The following STXBP6 variants were observed in gnomAD, a reference collection of about 807,000 sequenced individuals.
STXBP6 encodes syntaxin binding protein 6.
STXBP6 carries 21 observed loss-of-function variants against 26.9 expected under a neutral mutation model. That is an observed-to-expected ratio of 0.78 (90% CI 0.55 to 1.12). STXBP6 has a LOEUF of 1.12. Among genes scored for constraint, STXBP6 ranks in the 50% most tolerant of loss-of-function variants. The pLI, the probability that STXBP6 is intolerant of heterozygous loss-of-function variation, is 0.00. For missense variants in STXBP6, 232 were observed against 257.9 expected (o/e 0.90, Z 0.69); for synonymous variants, 97 against 92.6 (o/e 1.05, Z -0.27).
chr14:24,896,574 G>A (rs926833155), intron 2 of STXBP6, among the ~76,000 whole-genome samples: 1 of 152,082 alleles, frequency 6.6e-6, no homozygotes, highest in Non-Finnish European at 1.5e-5. Flanking sequence ...TTACTTTAAG[G>A]GCTCATAATT....
At chr14:24,867,933 A>G (rs763123295) in intron 2 of STXBP6, among the ~76,000 whole-genome samples, 60 of 152,326 alleles carry the variant, frequency 3.9e-4, no homozygotes, top group Non-Finnish European at 7.4e-4. Flanking sequence ...ATAGTTGTTC[A>G]TGTCTATAAT....
rs182734660 is a variant in STXBP6, at chr14:24,981,007, T to C, written c.-32-6157A>G. 1.5e-3 allele frequency among the ~76,000 whole-genome samples: 229 copies of C among 152,352 alleles called. 1 individual carries two copies. In the Middle Eastern group the frequency reaches 0.017, roughly 11 times the overall value. On this transcript the variant is annotated intron_variant, in intron 1 of 5. Coordinates refer to ENST00000323944, the MANE Select transcript of STXBP6 (RefSeq NM_001394410.1). ...ATGACTTCTTCAGTTTATTCTGCTA[T>C]ACAACCAGGTCCAGAGCCACTATCT...
rs1447834682 is a variant in STXBP6, at chr14:24,900,008, C to T, written c.155-42851G>A. Among the ~76,000 whole-genome samples the T allele has an allele frequency of 2.6e-5, 4 of 152,230 alleles. No individual in the cohort carries two copies. In the South Asian group the frequency reaches 8.3e-4, roughly 32 times the overall value. On this transcript the variant is annotated intron_variant, in intron 2 of 5. Coordinates refer to ENST00000323944, the MANE Select transcript of STXBP6 (RefSeq NM_001394410.1). ...AAGTTATGCAACTTGCTAAACACCA[C>T]ACAGCAAATTATCTAATAGGTGAAC... is the stretch of plus-strand genomic sequence containing the variant.
chr14:24,826,904 A>G (rs538147620), intron 4 of STXBP6, among the ~76,000 whole-genome samples: 2 of 152,334 alleles, frequency 1.3e-5, no homozygotes, highest in South Asian at 4.1e-4. Flanking sequence ...TCAATAAAAA[A>G]CAGTACCTAT....
At chr14:24,868,268 G>C (rs181975985) in intron 2 of STXBP6, among the ~76,000 whole-genome samples, 1 of 152,134 alleles carries the variant, frequency 6.6e-6, no homozygotes, top group East Asian at 1.9e-4. Flanking sequence ...CTCAACAAAA[G>C]AAAGCTAAAT....
chr14:24,836,657 G>A (rs2068627886), intron 4 of STXBP6, among the ~76,000 whole-genome samples: 1 of 139,580 alleles, frequency 7.2e-6, no homozygotes, highest in Non-Finnish European at 1.5e-5. Context: ...CCAGTCAAAA[G>A]GGTAGCTATT....
intron 5 of STXBP6, among the ~76,000 whole-genome samples, chr14:24,814,782 T>A (rs534262186): frequency 5.6e-4 from 85 of 152,104 alleles, no homozygotes; most frequent in Non-Finnish European, 1.1e-3. Context: ...CACTCATGAA[T>A]GAGATTAGTG....
At chr14:25,028,314 T>G (rs935982915) in intron 1 of STXBP6, among the ~76,000 whole-genome samples, 3 of 152,196 alleles carry the variant, frequency 2.0e-5, no homozygotes, top group Non-Finnish European at 4.4e-5. Flanking sequence ...TGTTAGAGGC[T>G]AATGCTGCTG....
chr14:24,923,816 C>T (rs1266642279), intron 2 of STXBP6, among the ~76,000 whole-genome samples: 1 of 152,126 alleles, frequency 6.6e-6, no homozygotes, highest in Non-Finnish European at 1.5e-5. Flanking sequence ...ATATTCTATT[C>T]CCTTTTCAGT....
At chr14:25,040,131 C>T (rs2075619645) in intron 1 of STXBP6, among the ~76,000 whole-genome samples, 1 of 152,184 alleles carries the variant, frequency 6.6e-6, no homozygotes, top group Admixed American at 6.5e-5. Context: ...CACAGCCTTG[C>T]AAAGGTCATA....
chr14:24,931,248 A>AG (rs376022576), intron 2 of STXBP6, among the ~76,000 whole-genome samples: 1 of 36,668 alleles, frequency 2.7e-5, no homozygotes, highest in Admixed American at 3.6e-4. Flanking sequence ...AGGTGGGGGG[A>AG]GGGGGGAGGG....
At chr14:24,848,711 CA>C (rs1437888474) in intron 4 of STXBP6, among the ~76,000 whole-genome samples, 1 of 152,128 alleles carries the variant, frequency 6.6e-6, no homozygotes, top group East Asian at 1.9e-4. Context: ...ATCTGTGACC[CA>C]TTTTTCCTTA....
intron 2 of STXBP6, among the ~76,000 whole-genome samples, chr14:24,973,379 CTTTTTTTTTTT>C (rs1057437135): frequency 1.3e-4 from 10 of 76,802 alleles, no homozygotes; most frequent in African/African-American, 6.2e-4. Flanking sequence ...AGCTTTCTTC[CTTTTTTTTTTT>C]TTTTTTTTTT....
chr14:24,969,137 T>C (rs949824195), intron 2 of STXBP6, among the ~76,000 whole-genome samples: 2 of 152,200 alleles, frequency 1.3e-5, no homozygotes, highest in African/African-American at 2.4e-5. Flanking sequence ...TCAAAAAGCA[T>C]TCAGAACTTT....
chr14:24,809,659 TCA>T lies in STXBP6; in HGVS notation c.*3048_*3049del, dbSNP rs898969215. 5 of 152,242 alleles carry T rather than the reference TCA, an allele frequency of 3.3e-5. No individual in the cohort carries two copies. Among genetic ancestry groups the T allele is most frequent in the African/African-American group, 1.2e-4 (5 of 41,470 alleles). 9.4% of individuals were successfully genotyped at this position (152,242 alleles called of 1,614,324 possible). ...AAATAACTGCAAGAAACAAATTTCA[TCA>T]CAGAGTTAAAATATTTAATGACAAA... On this transcript the variant is annotated 3_prime_UTR_variant, in exon 6 of 6. Transcript: ENST00000323944.
chr14:24,903,418 C>A (rs1291598158), intron 2 of STXBP6, among the ~76,000 whole-genome samples: 1 of 152,180 alleles, frequency 6.6e-6, no homozygotes, highest in African/African-American at 2.4e-5. Context: ...TACTGCTTTA[C>A]ATTACATGTA....
At chr14:24,980,339 G>C (rs2140234117) in intron 1 of STXBP6, among the ~76,000 whole-genome samples, 1 of 152,230 alleles carries the variant, frequency 6.6e-6, no homozygotes, top group East Asian at 1.9e-4. Context: ...TGTTTACTTA[G>C]ATAATGTTTC....
intron 1 of STXBP6, among the ~76,000 whole-genome samples, chr14:24,980,745 T>C (rs948775662): frequency 1.1e-4 from 17 of 152,284 alleles, no homozygotes; most frequent in African/African-American, 3.6e-4. Context: ...ATTCAGCAAA[T>C]CCTCTAACAA....
intron 1 of STXBP6, among the ~76,000 whole-genome samples, chr14:24,979,307 C>A (rs999358881): frequency 6.6e-6 from 1 of 152,144 alleles, no homozygotes; most frequent in Non-Finnish European, 1.5e-5. Context: ...GAATTTTAGA[C>A]ATCAGTCTCA....
Sources: gnomAD v4.1 joint callset for allele counts (sites outside exome capture counted in the v4.1 genomes callset) on GRCh38, gnomAD v4.1.1 for gene constraint, MANE v1.5 for transcripts, NCBI Gene and HGNC (gene_info 2026-07-23, HGNC 2026-07-21) for gene names.